Variants in EIF3B observed in about 807,000 individuals in gnomAD.
EIF3B encodes eukaryotic translation initiation factor 3 subunit B, also known as eukaryotic translation initiation factor 3 subunit 9.
In EIF3B, 10 loss-of-function variants were observed where a neutral mutation model predicts 104.6. That is an observed-to-expected ratio of 0.10 (90% CI 0.06 to 0.16). The LOEUF (loss-of-function observed/expected upper bound fraction) is 0.16. Among genes scored for constraint, EIF3B ranks in the 10% least tolerant of loss-of-function variants. EIF3B has a pLI of 1.00. For synonymous variants in EIF3B, 542 were observed against 417.2 expected, an observed-to-expected ratio of 1.30 and a Z score of -3.65; for missense variants, 1,014 against 1,087.9, an observed-to-expected ratio of 0.93 and a Z score of 0.96.
At chr7:2,357,189 C>T (rs1286300878) in intron 1 of EIF3B, among the ~76,000 whole-genome samples, 1 of 152,198 alleles carries the variant, frequency 6.6e-6, no homozygotes, top group Admixed American at 6.5e-5. Context: ...ACGTAGATTA[C>T]TTCTGGAATT....
chr7:2,359,633 C>T (rs1779629024), intron 1 of EIF3B, among the ~76,000 whole-genome samples: 1 of 152,174 alleles, frequency 6.6e-6, no homozygotes, highest in Non-Finnish European at 1.5e-5. Flanking sequence ...TAATGGAACC[C>T]AAGAAGCGAG....
At chr7:2,367,824 A>ATTTTTTTTTTTTTTTTT (rs1562484073) in intron 9 of EIF3B, among the ~76,000 whole-genome samples, 4 of 101,722 alleles carry the variant, frequency 3.9e-5, no homozygotes, top group African/African-American at 8.2e-5. Context: ...CTTTTTTTAA[A>ATTTTTTTTTTTTTTTTT]ATTTTTTTTT....
intron 1 of EIF3B, among the ~76,000 whole-genome samples, chr7:2,356,935 C>T (rs1337646544): frequency 2.6e-5 from 4 of 152,110 alleles, no homozygotes; most frequent in Non-Finnish European, 5.9e-5. Flanking sequence ...ATCTAGTCTA[C>T]GCCCCTCAGT....
intron 1 of EIF3B, among the ~76,000 whole-genome samples, chr7:2,356,436 C>A: frequency 6.6e-6 from 1 of 151,606 alleles, no homozygotes. Context: ...CCCGTCTCTA[C>A]TAAAAATAAA....
intron 15 of EIF3B, among the ~76,000 whole-genome samples, chr7:2,377,398 C>T (rs930514528): frequency 6.6e-5 from 10 of 152,180 alleles, no homozygotes; most frequent in African/African-American, 1.2e-4. Context: ...TAAAATAGGC[C>T]GTTGGTCTTA....
Position 2,364,410 on chromosome 7 carries a change from C to T in EIF3B, c.1038C>T (p.Gly346=). 6.2e-7 allele frequency: 1 copy of T among 1,612,700 alleles called. No individual in the cohort carries two copies. Among genetic ancestry groups the T allele is most frequent in the Non-Finnish European group, 8.5e-7 (1 of 1,179,510 alleles). Residue 346 remains glycine, a synonymous_variant, in exon 6 of 19, where the codon GGC becomes GGT. Transcript: ENST00000360876. ...CGTATGTGCGTTGGTCTCCTAAGGGCACCTACCTGGCTACCTTTCATCAAA... is the reference window on the plus strand; with the variant it reads ...CGTATGTGCGTTGGTCTCCTAAGGGTACCTACCTGGCTACCTTTCATCAAA... ...TETYVRWSPK[G]TYLATFHQRG... is the part of the protein sequence containing the mutation.
intron 14 of EIF3B, 46 bp from the exon 15 acceptor site, chr7:2,376,904 G>A: frequency 6.3e-7 from 1 of 1,583,358 alleles, no homozygotes; most frequent in Non-Finnish European, 8.6e-7. Flanking sequence ...CACGGTTGTG[G>A]CTCTCTGACC....
chr7:2,379,567 G>A lies in EIF3B; in HGVS notation c.*14+56G>A, dbSNP rs1342385706. On this transcript the variant is annotated intron_variant, in intron 18 of 18. Coordinates refer to ENST00000360876, the MANE Select transcript of EIF3B (RefSeq NM_001037283.2). ...CCTGTTGGCTGCTCATGCTGCTTCA[G>A]TTATCCCCGTCACTGAGGAAGCACC... is the stretch of plus-strand genomic sequence containing the variant. 23 of 1,118,098 alleles carry A rather than the reference G, an allele frequency of 2.1e-5. No individual in the cohort carries two copies. The Admixed American group carries it at 4.2e-4, about 20-fold the overall frequency. The allele number at this position is 1,118,098 out of a possible 1,614,324, so 69.3% of individuals were successfully genotyped here. A position where few individuals can be genotyped will look rare whatever the true frequency, so the allele number is the denominator to read the frequency against.
In EIF3B at chr7:2,374,568, C is replaced by A. The variant is rs776284204; in HGVS notation, c.1851C>A (p.Ser617Arg). ...AGCAGGCGAACACCATCTTCTGGAG[C>A]CCCCAAGGACAGTTCGTGGTGTTGG... is the stretch of plus-strand genomic sequence containing the variant. Reference protein sequence around the residue: ...DKQQANTIFWSPQGQFVVLAG... With the variant: ...DKQQANTIFWRPQGQFVVLAG... Residue 617 changes from serine to arginine, a missense_variant, in exon 13 of 19, where the codon AGC becomes AGA. By Grantham distance (110) the Ser-to-Arg change is moderately radical (BLOSUM62 -1). Transcript: ENST00000360876. The A allele has an allele frequency of 6.2e-7, 1 of 1,614,046 alleles. No individual in the cohort carries two copies. Among genetic ancestry groups the A allele is most frequent in the South Asian group, 1.1e-5 (1 of 91,084 alleles).
chr7:2,379,537 G>C, intron 18 of EIF3B, 26 bp downstream of exon 18: 2 of 1,443,304 alleles, frequency 1.4e-6, no homozygotes, highest in Non-Finnish European at 1.9e-6. Flanking sequence ...GGGCGCGATG[G>C]GGGTCCTGTT....
In EIF3B at chr7:2,354,849, G is replaced by T. The variant is rs1779294560; in HGVS notation, c.-73G>T. 1.9e-6 allele frequency: 2 copies of T among 1,063,656 alleles called. No individual in the cohort carries two copies. The highest frequency in any genetic ancestry group is 5.5e-5 in the Admixed American group (1 of 18,266). 65.9% of individuals were successfully genotyped at this position (1,063,656 alleles called of 1,614,324 possible). On this transcript the variant is annotated 5_prime_UTR_variant, in exon 1 of 19. Coordinates refer to ENST00000360876, the MANE Select transcript of EIF3B (RefSeq NM_001037283.2). ...CACATGGCTGGGCTGTAGCCGTCGC[G>T]GCGCGCGGTGCGGCCTGGGAGAGTC...
At position 2,355,349 on chromosome 7, in the gene EIF3B, T is replaced by C. The variant is rs1346281291; in HGVS notation, c.428T>C (p.Leu143Pro). 9 of 1,539,788 alleles carry C rather than the reference T, an allele frequency of 5.8e-6. No homozygotes were observed. The Admixed American group carries it at 1.4e-4, about 23-fold the overall frequency. Residue 143 changes from leucine (L) to proline (P), a missense_variant, in exon 1 of 19, where the codon CTG becomes CCG. Leu to Pro is a moderately conservative substitution (Grantham distance 98). This residue lies in a region of EIF3B where 488 missense variants were observed against 404.3 expected (regional missense o/e 1.21). Coordinates refer to ENST00000360876, the MANE Select transcript of EIF3B (RefSeq NM_001037283.2). ...GRAAEAEPRA[L>P]ENGDADEPSF... The stretch of plus-strand genomic sequence containing the variant: ...GCGGCCGAGGCCGAACCCCGGGCGC[T>C]GGAGAACGGCGACGCGGACGAGCCC...
At chr7:2,354,766 C>T (rs1051976993), upstream of EIF3B, 75 of 671,294 alleles carry the variant, frequency 1.1e-4, 1 homozygote, top group Middle Eastern at 1.4e-3. Context: ...TTCGTGAGGC[C>T]CCAGGGCGTG....
At chr7:2,366,869 C>T in intron 8 of EIF3B, 130 bp from the exon 9 acceptor site, 3 of 1,005,628 alleles carry the variant, frequency 3.0e-6, no homozygotes, top group Non-Finnish European at 4.6e-6. Context: ...GGTTCACTGT[C>T]ACGCTCTGTG....
At chr7:2,359,707 C>A (rs1365317625) in intron 1 of EIF3B, among the ~76,000 whole-genome samples, 2 of 152,186 alleles carry the variant, frequency 1.3e-5, no homozygotes, top group African/African-American at 2.4e-5. Flanking sequence ...CCACTACTTG[C>A]GACTGCCATC....
chr7:2,378,677 C>T lies in EIF3B; in HGVS notation c.2155-12C>T. On this transcript the variant is annotated splice_polypyrimidine_tract_variant and intron_variant, in intron 15 of 18. Coordinates refer to ENST00000360876, the MANE Select transcript of EIF3B (RefSeq NM_001037283.2). Reference sequence around the variant, plus strand: ...GAATGTTAAATCCTGAGTGATGGGTCTTTTGTTTCAGCAAATTAAAAAGGA... The same window carrying T: ...GAATGTTAAATCCTGAGTGATGGGTTTTTTGTTTCAGCAAATTAAAAAGGA... 6.2e-7 allele frequency: 1 copy of T among 1,612,256 alleles called. No individual in the cohort carries two copies. The highest frequency in any genetic ancestry group is 8.5e-7 in the Non-Finnish European group (1 of 1,178,432).
intron 12 of EIF3B, 87 bp from the exon 13 acceptor site, chr7:2,374,441 A>T: frequency 7.5e-7 from 1 of 1,341,578 alleles, no homozygotes; most frequent in Non-Finnish European, 1.1e-6. Flanking sequence ...CATGGGCAGC[A>T]TGAGCACGGC....
Position 2,368,688 on chromosome 7 carries a change from G to A in EIF3B, c.1404-784G>A, listed in dbSNP as rs1226452371. ...AAGGAAAAGAGGGGACTCTGCTTAG[G>A]TGAAAGGTTTTCCTGGTACTCTTCC... On this transcript the variant is annotated intron_variant, in intron 9 of 18. Coordinates refer to ENST00000360876, the MANE Select transcript of EIF3B (RefSeq NM_001037283.2). 2.0e-5 allele frequency among the ~76,000 whole-genome samples: 3 copies of A among 152,232 alleles called. No homozygotes were observed. The East Asian group carries it at 5.8e-4, about 29-fold the overall frequency.
At chr7:2,377,571 TTC>T (rs1491197643) in intron 15 of EIF3B, among the ~76,000 whole-genome samples, 20 of 104,916 alleles carry the variant, frequency 1.9e-4, no homozygotes, top group African/African-American at 7.0e-4. Context: ...GGATGCTGTG[TTC>T]TGTGAATGAC....
Sources: allele counts gnomAD v4.1 joint callset (sites outside exome capture counted in the v4.1 genomes callset), GRCh38; gene constraint gnomAD v4.1.1; regional missense constraint gnomAD v4.1.1; transcripts MANE v1.5; gene names NCBI Gene and HGNC (gene_info 2026-07-23, HGNC 2026-07-21).